The following CFAP77 variants were observed in gnomAD, a reference collection of about 807,000 sequenced individuals.
CFAP77 encodes cilia- and flagella-associated protein 77.
A neutral mutation model predicts 31.1 loss-of-function variants in CFAP77; 25 were observed. The ratio of observed to expected loss-of-function variants is 0.80; its 90% confidence interval spans 0.59 to 1.12. The LOEUF is 1.12. CFAP77 is among the 50% of genes most tolerant of loss of function. The pLI, the probability that CFAP77 is intolerant of heterozygous loss-of-function variation, is 0.00. For missense variants in CFAP77, 377 were observed against 397.3 expected (o/e 0.95, Z 0.44); for synonymous variants, 151 against 159.9 (o/e 0.94, Z 0.42).
chr9:132,446,497 T>C (rs1850718892), intron 1 of CFAP77, among the ~76,000 whole-genome samples: 1 of 151,996 alleles, frequency 6.6e-6, no homozygotes, highest in South Asian at 2.1e-4. Context: ...TCCCAGCACT[T>C]TGGGAGGCTG....
Position 132,410,393 on chromosome 9 carries a change from T to G in CFAP77, c.122T>G (p.Ile41Ser), listed in dbSNP as rs2131668555. The stretch of plus-strand genomic sequence containing the variant: ...CGGCGGCCCCTGACCGTGGCGGACA[T>G]CCGTTCCGGCATGGAGAACGAGCGG... ...PPRRPLTVAD[I>S]RSGMENERLG... is the part of the protein sequence containing the mutation. The change falls in exon 1 of 6, where the codon ATC (isoleucine) becomes AGC (serine). Residue 41 changes from isoleucine to serine, a missense_variant. Physicochemically the swap from Ile to Ser is moderately radical, Grantham distance 142 (BLOSUM62 -2). Transcript: ENST00000393216. 6.2e-7 allele frequency: 1 copy of G among 1,601,302 alleles called. No individual in the cohort carries two copies. The highest frequency in any genetic ancestry group is 1.7e-4 in the Middle Eastern group (1 of 6,016).
chr9:132,523,930 T>A (rs532638476), intron 3 of CFAP77, among the ~76,000 whole-genome samples: 5 of 152,308 alleles, frequency 3.3e-5, no homozygotes, highest in African/African-American at 1.2e-4. Flanking sequence ...ATGCAAGATA[T>A]TACAAGGGGC....
chr9:132,415,366 C>G (rs1004464325), intron 1 of CFAP77, among the ~76,000 whole-genome samples: 2 of 147,000 alleles, frequency 1.4e-5, no homozygotes, highest in African/African-American at 5.5e-5. Context: ...AGGAAACTAA[C>G]CCCCCCGCCC....
chr9:132,419,719 G>A (rs1340130999), intron 1 of CFAP77, among the ~76,000 whole-genome samples: 2 of 151,822 alleles, frequency 1.3e-5, no homozygotes, highest in Admixed American at 6.6e-5. Context: ...GACTGCTAAT[G>A]AACCCATCAG....
At chr9:132,493,683 T>C (rs1188960458) in intron 1 of CFAP77, among the ~76,000 whole-genome samples, 3 of 152,218 alleles carry the variant, frequency 2.0e-5, no homozygotes, top group African/African-American at 7.2e-5. Flanking sequence ...TCCTGACTTC[T>C]AAACCCAGAG....
At position 132,562,405 on chromosome 9, in the gene CFAP77, G is replaced by T. The variant is rs550563413; in HGVS notation, c.733-9983G>T. Among the ~76,000 whole-genome samples, 166 of 152,270 alleles carry T rather than the reference G, an allele frequency of 1.1e-3. 2 individuals carry two copies. The highest frequency in any genetic ancestry group is 3.8e-3 in the African/African-American group (157 of 41,548). On this transcript the variant is annotated intron_variant, in intron 5 of 5. Coordinates refer to ENST00000393216, the MANE Select transcript of CFAP77 (RefSeq NM_001282957.2). ...CCTCTGAGAACATTCTTTTCCTTCC[G>T]CCCCTTTCTGTCTAAGCAGATTCAC...
chr9:132,486,185 C>T (rs1194411246), intron 1 of CFAP77, among the ~76,000 whole-genome samples: 1 of 143,450 alleles, frequency 7.0e-6, no homozygotes, highest in Non-Finnish European at 1.5e-5. Flanking sequence ...CTTGGCCTCC[C>T]GGGTTCGTGC....
At chr9:132,451,338 TAA>T (rs34713934) in intron 1 of CFAP77, among the ~76,000 whole-genome samples, 10,945 of 131,222 alleles carry the variant, frequency 0.083, 397 homozygotes, top group Middle Eastern at 0.11. Context: ...AACTCCATCT[TAA>T]AAAAAAAAAA....
intron 1 of CFAP77, among the ~76,000 whole-genome samples, chr9:132,484,322 G>A (rs1263491411): frequency 2.0e-5 from 3 of 152,008 alleles, no homozygotes; most frequent in Admixed American, 6.6e-5. Context: ...GACTATATTC[G>A]CAATGTCATA....
At chr9:132,505,290 A>T (rs769020742) in intron 3 of CFAP77, among the ~76,000 whole-genome samples, 1 of 152,218 alleles carries the variant, frequency 6.6e-6, no homozygotes, top group East Asian at 1.9e-4. Flanking sequence ...GAATCTGCCC[A>T]TTCAGCCTCA....
intron 5 of CFAP77, among the ~76,000 whole-genome samples, chr9:132,570,365 G>A (rs1210747216): frequency 2.0e-5 from 3 of 152,218 alleles, no homozygotes; most frequent in Non-Finnish European, 4.4e-5. Flanking sequence ...GTAGCTTTTG[G>A]GCTGGGCTCA....
intron 3 of CFAP77, among the ~76,000 whole-genome samples, chr9:132,503,401 A>G (rs779189872): frequency 6.6e-6 from 1 of 152,200 alleles, no homozygotes; most frequent in African/African-American, 2.4e-5. Flanking sequence ...GTGTGGTGGC[A>G]GGAGAGGGGC....
At chr9:132,520,483 C>T (rs550835911) in intron 3 of CFAP77, among the ~76,000 whole-genome samples, 5 of 152,144 alleles carry the variant, frequency 3.3e-5, no homozygotes, top group South Asian at 2.1e-4. Flanking sequence ...CCCACCTCTA[C>T]AAAAATTTAA....
intron 1 of CFAP77, among the ~76,000 whole-genome samples, chr9:132,437,293 A>G (rs542401940): frequency 6.6e-6 from 1 of 152,284 alleles, no homozygotes; most frequent in Admixed American, 6.5e-5. Context: ...CTTCTTGTGC[A>G]AGGAGTGAGA....
chr9:132,536,724 A>G (rs1042687495), intron 3 of CFAP77, among the ~76,000 whole-genome samples: 10 of 152,198 alleles, frequency 6.6e-5, no homozygotes, highest in Admixed American at 2.0e-4. Flanking sequence ...TGGTTTGGCC[A>G]TTGTCCATTT....
chr9:132,488,038 A>G (rs1054022678), intron 1 of CFAP77, among the ~76,000 whole-genome samples: 11 of 152,214 alleles, frequency 7.2e-5, no homozygotes, highest in Non-Finnish European at 1.6e-4. Flanking sequence ...TTATTTAATC[A>G]CTACCAGGCA....
Position 132,477,282 on chromosome 9 carries a change from C to T in CFAP77, c.196-21413C>T, listed in dbSNP as rs376318907. Among the ~76,000 whole-genome samples, 26 of 152,326 alleles carry T rather than the reference C, an allele frequency of 1.7e-4. No individual in the cohort carries two copies. The South Asian group carries it at 4.6e-3, about 27-fold the overall frequency. On this transcript the variant is annotated intron_variant, in intron 1 of 5. Transcript: ENST00000393216. ...AGTAGACCTGCTTCACAGGTCATAA[C>T]GACGAGCCTTCTGTTCATTCATTCA... is the stretch of plus-strand genomic sequence containing the variant.
At position 132,495,105 on chromosome 9, in the gene CFAP77, C is replaced by T. The variant is rs1851721566; in HGVS notation, c.196-3590C>T. 6.6e-6 allele frequency among the ~76,000 whole-genome samples: 1 copy of T among 152,134 alleles called. No homozygotes were observed. Among genetic ancestry groups the T allele is most frequent in the African/African-American group, 2.4e-5 (1 of 41,424 alleles). ...GTCTGATCTGTTCACCCTAGAACTT[C>T]CAGCACAGAGGGCTTAGCGCTGAGT... On this transcript the variant is annotated intron_variant, in intron 1 of 5. Coordinates refer to ENST00000393216, the MANE Select transcript of CFAP77 (RefSeq NM_001282957.2). The surrounding 1 kb of genome is among the most constrained non-coding windows in gnomAD (Gnocchi z 4.2).
In CFAP77 at chr9:132,446,432, G is replaced by A. The variant is rs114471636; in HGVS notation, c.195+35966G>A. On this transcript the variant is annotated intron_variant, in intron 1 of 5. Coordinates refer to ENST00000393216, the MANE Select transcript of CFAP77 (RefSeq NM_001282957.2). Reference sequence around the variant, plus strand: ...CTTCACTCTTCACCTAACTACCGACGGTGCCTGCCAAAGATATGGCTCTCA... The same window carrying A: ...CTTCACTCTTCACCTAACTACCGACAGTGCCTGCCAAAGATATGGCTCTCA... Among the ~76,000 whole-genome samples, 450 of 152,010 alleles carry A rather than the reference G, an allele frequency of 3.0e-3. 7 individuals are homozygous for A. Among genetic ancestry groups the A allele is most frequent in the African/African-American group, 0.011 (438 of 41,464 alleles).
Sources: allele counts gnomAD v4.1 joint callset (sites outside exome capture counted in the v4.1 genomes callset), GRCh38; gene constraint gnomAD v4.1.1; non-coding constraint Gnocchi (gnomAD v3.1); transcripts MANE v1.5; gene names NCBI Gene and HGNC (gene_info 2026-07-23, HGNC 2026-07-21).